The following ACSL6 variants were observed in gnomAD, a reference collection of about 807,000 sequenced individuals.
ACSL6 encodes long-chain-fatty-acid--CoA ligase 6.
Under a neutral mutation model 98.2 loss-of-function variants are expected in ACSL6, and 47 were observed. The ratio of observed to expected loss-of-function variants is 0.48; its 90% confidence interval spans 0.38 to 0.61. The LOEUF is 0.61. Among genes scored for constraint, ACSL6 ranks in the 20% least tolerant of loss-of-function variants. The pLI, the probability that ACSL6 is intolerant of heterozygous loss-of-function variation, is 0.00. For missense variants in ACSL6, 761 were observed against 913.4 expected (o/e 0.83, Z 2.15); for synonymous variants, 362 against 336.9 (o/e 1.07, Z -0.82).
chr5:131,987,284 T>G (rs537576772), intron 7 of ACSL6, among the ~76,000 whole-genome samples: 1 of 152,354 alleles, frequency 6.6e-6, no homozygotes, highest in South Asian at 2.1e-4. Flanking sequence ...CATGTTGGGT[T>G]TAAAGTGCTC....
intron 17 of ACSL6, among the ~76,000 whole-genome samples, chr5:131,964,010 T>G (rs2149697937): frequency 6.6e-6 from 1 of 152,340 alleles, no homozygotes; most frequent in East Asian, 1.9e-4. Flanking sequence ...CAGAAGACTA[T>G]GCTTATTCCT....
chr5:131,949,980 A>C lies in ACSL6; in HGVS notation c.*4254T>G, dbSNP rs1752078721. ...ATAGTAATTATAAGCAACTTTGAGA[A>C]ATGAAAAATCTTTTATTTTTTACAA... On this transcript the variant is annotated 3_prime_UTR_variant, in exon 21 of 21. Coordinates refer to ENST00000651883, the MANE Select transcript of ACSL6 (RefSeq NM_001009185.3). The C allele has an allele frequency of 5.8e-6, 1 of 171,460 alleles. No individual in the cohort carries two copies. Among genetic ancestry groups the C allele is most frequent in the African/African-American group, 2.4e-5 (1 of 42,096 alleles). The allele number at this position is 171,460 out of a possible 1,614,324, so 10.6% of individuals were successfully genotyped here.
At chr5:131,957,484 A>G (rs1003131115) in intron 20 of ACSL6, among the ~76,000 whole-genome samples, 7 of 152,226 alleles carry the variant, frequency 4.6e-5, no homozygotes, top group Admixed American at 3.9e-4. Flanking sequence ...TAAATTAATA[A>G]TGGTTGGCCT....
chr5:131,982,059 T>A (rs918488984), intron 9 of ACSL6: 3 of 151,850 alleles, frequency 2.0e-5, no homozygotes, highest in African/African-American at 4.8e-5. Context: ...GGTTTCACCA[T>A]GTTAGCCAGG....
At chr5:131,993,620 T>A in intron 2 of ACSL6, 1 of 226,840 alleles carries the variant, frequency 4.4e-6, no homozygotes, top group South Asian at 7.2e-5. Flanking sequence ...CATGTGTGAG[T>A]CCATGTACTC....
At chr5:132,006,264 G>A (rs570151259) in intron 1 of ACSL6, 1 of 152,136 alleles carries the variant, frequency 6.6e-6, no homozygotes. Flanking sequence ...AGCTCGGCTT[G>A]GCTTGAAATT....
chr5:132,002,011 A>G (rs1184521875), intron 1 of ACSL6: 1 of 152,260 alleles, frequency 6.6e-6, no homozygotes, highest in East Asian at 1.9e-4. Context: ...TCTCAGAGCA[A>G]AGAGGGACAG....
intron 1 of ACSL6, among the ~76,000 whole-genome samples, chr5:132,007,520 A>G (rs556483204): frequency 8.5e-5 from 13 of 152,200 alleles, no homozygotes; most frequent in Non-Finnish European, 1.9e-4. Context: ...AAAGTCTGAG[A>G]ATGTGGCCTG....
chr5:131,989,669 C>G (rs184847771), intron 4 of ACSL6, among the ~76,000 whole-genome samples, 161 bp from the exon 5 acceptor site: 1 of 133,340 alleles, frequency 7.5e-6, no homozygotes, highest in African/African-American at 2.8e-5. Context: ...AATCTCTGCT[C>G]ACTGCAACCT....
intron 9 of ACSL6, among the ~76,000 whole-genome samples, chr5:131,980,685 TGTTTTGAGA>T (rs1198509743): frequency 6.6e-6 from 1 of 152,152 alleles, no homozygotes; most frequent in Non-Finnish European, 1.5e-5. Context: ...TGATCTCTCA[TGTTTTGAGA>T]CACTTTCATA....
intron 1 of ACSL6, among the ~76,000 whole-genome samples, chr5:132,008,197 C>A (rs1040515706): frequency 6.6e-6 from 1 of 152,186 alleles, no homozygotes; most frequent in African/African-American, 2.4e-5. Flanking sequence ...ACCATCTGTC[C>A]CAATTCATAA....
chr5:131,976,759 C>A (rs757231349), intron 9 of ACSL6, 38 bp from the exon 10 acceptor site: 1 of 1,579,094 alleles, frequency 6.3e-7, no homozygotes, highest in Non-Finnish European at 8.7e-7. Flanking sequence ...TAGTTGGAAA[C>A]TCAAGGGCCA....
chr5:131,988,242 A>T lies in ACSL6; in HGVS notation c.653-16T>A, dbSNP rs1156859783. 1 of 1,612,952 alleles carries T rather than the reference A, an allele frequency of 6.2e-7. No homozygotes were observed. Among genetic ancestry groups the T allele is most frequent in the Non-Finnish European group, 8.5e-7 (1 of 1,179,320 alleles). On this transcript the variant is annotated splice_polypyrimidine_tract_variant and intron_variant, in intron 6 of 20. Coordinates refer to ENST00000651883, the MANE Select transcript of ACSL6 (RefSeq NM_001009185.3). ...CTGATGTCCGCTGCAGGGGGCCATC[A>T]AGGAGAGTCAGGCCATGTGGGCCCA... is the stretch of plus-strand genomic sequence containing the variant.
chr5:131,998,182 T>C (rs1426661115), intron 1 of ACSL6, among the ~76,000 whole-genome samples: 2 of 152,120 alleles, frequency 1.3e-5, no homozygotes, highest in Admixed American at 1.3e-4. Flanking sequence ...GTGCATTGTG[T>C]GTGTGTCGGG....
chr5:131,962,438 G>A lies in ACSL6; in HGVS notation c.1857+97C>T, dbSNP rs1053180156. 2.9e-5 allele frequency: 40 copies of A among 1,379,418 alleles called. 1 individual carries two copies. In the South Asian group the frequency reaches 3.9e-4, roughly 13 times the overall value. The allele number at this position is 1,379,418 out of a possible 1,614,324, so 85.4% of individuals were successfully genotyped here. A position where few individuals can be genotyped will look rare whatever the true frequency, so the allele number is the denominator to read the frequency against. On this transcript the variant is annotated intron_variant, in intron 18 of 20. Transcript: ENST00000651883. ...AGTTTTCTCTCATGTTTTAAAATGC[G>A]GAGGAGAATCCTGGTGCCTGATTGG...
At chr5:132,000,139 C>T (rs1178828912) in intron 1 of ACSL6, among the ~76,000 whole-genome samples, 2 of 151,970 alleles carry the variant, frequency 1.3e-5, no homozygotes, top group Non-Finnish European at 2.9e-5. Context: ...CTCTGCTCCC[C>T]ACCCCCACAA....
In ACSL6 at chr5:131,954,187, A is replaced by C; in HGVS notation, c.*47T>G. 1 of 1,526,808 alleles carries C rather than the reference A, an allele frequency of 6.5e-7. No individual in the cohort carries two copies. Among genetic ancestry groups the C allele is most frequent in the Non-Finnish European group, 8.7e-7 (1 of 1,143,062 alleles). 94.6% of individuals were successfully genotyped at this position (1,526,808 alleles called of 1,614,324 possible). On this transcript the variant is annotated 3_prime_UTR_variant, in exon 21 of 21. Coordinates refer to ENST00000651883, the MANE Select transcript of ACSL6 (RefSeq NM_001009185.3). The stretch of plus-strand genomic sequence containing the variant: ...ACTCATTACTTTCAAGAATAACTAT[A>C]ATATTGCTAGACAGTTCATTACACT...
rs758339602 is a variant in ACSL6 at position 131,954,043 on chromosome 5, A to G, written c.*191T>C. On this transcript the variant is annotated 3_prime_UTR_variant, in exon 21 of 21. Coordinates refer to ENST00000651883, the MANE Select transcript of ACSL6 (RefSeq NM_001009185.3). ...AGCAGTCCACCACAATATCATTTTT[A>G]TAATAAAAATAAAATATACTCATTG... The G allele has an allele frequency of 1.2e-5, 5 of 418,122 alleles. No individual in the cohort carries two copies. The highest frequency in any genetic ancestry group is 4.1e-5 in the African/African-American group (2 of 48,692). The allele number at this position is 418,122 out of a possible 1,614,324, so 25.9% of individuals were successfully genotyped here.
At chr5:131,975,845 C>CT in intron 10 of ACSL6, 1 of 985,494 alleles carries the variant, frequency 1.0e-6, no homozygotes, top group Non-Finnish European at 1.2e-6. Context: ...CCTGTGCTGG[C>CT]TTTTGGGCCA....
Sources: gnomAD v4.1 joint callset for allele counts (sites outside exome capture counted in the v4.1 genomes callset) on GRCh38, gnomAD v4.1.1 for gene constraint, MANE v1.5 for transcripts, NCBI Gene and HGNC (gene_info 2026-07-23, HGNC 2026-07-21) for gene names.